Variants in CNTN3 observed in about 807,000 individuals in gnomAD.
The protein encoded by CNTN3 is contactin-3.
CNTN3 carries 60 observed loss-of-function variants against 119.1 expected under a neutral mutation model. The observed-to-expected ratio is 0.50, with a 90% CI of 0.41 to 0.62. The LOEUF is 0.62. Ranked by LOEUF, CNTN3 falls within the 20% of genes least tolerant of loss-of-function variation. The probability of loss-of-function intolerance (pLI) is 0.00; values close to 1 mark genes in which losing one functional copy is unlikely to be tolerated. For missense variants in CNTN3, 1,101 were observed against 1,242.4 expected, an observed-to-expected ratio of 0.89 and a Z score of 1.71; for synonymous variants, 450 against 438.7, an observed-to-expected ratio of 1.03 and a Z score of -0.32.
At chr3:74,361,774 G>T (rs1049987041) in intron 11 of CNTN3, 116 bp downstream of exon 11, 1 of 1,063,200 alleles carries the variant, frequency 9.4e-7, no homozygotes. Context: ...AGTTCTTAAA[G>T]ATCTCACATG....
chr3:74,428,813 G>A (rs1559597080), intron 4 of CNTN3, among the ~76,000 whole-genome samples: 1 of 152,064 alleles, frequency 6.6e-6, no homozygotes, highest in Non-Finnish European at 1.5e-5. Flanking sequence ...CTCCATTCAT[G>A]GTAAGTGTTC....
At chr3:74,353,441 T>C (rs571782085) in intron 11 of CNTN3, among the ~76,000 whole-genome samples, 7 of 152,298 alleles carry the variant, frequency 4.6e-5, no homozygotes, top group African/African-American at 1.7e-4. Flanking sequence ...GAGATGAATG[T>C]AAAACTGCAT....
chr3:74,393,608 C>T (rs1009447908), intron 5 of CNTN3, among the ~76,000 whole-genome samples: 7 of 152,152 alleles, frequency 4.6e-5, no homozygotes, highest in African/African-American at 1.4e-4. Context: ...GCAAATATCT[C>T]GGACAAATGC....
chr3:74,274,004 C>T (rs142063403), intron 20 of CNTN3, among the ~76,000 whole-genome samples: 3 of 152,122 alleles, frequency 2.0e-5, no homozygotes, highest in East Asian at 1.9e-4. Flanking sequence ...CTTTGGATTG[C>T]GTGGGAGCTG....
At chr3:74,531,885 C>A (rs1206476031) in intron 1 of CNTN3, among the ~76,000 whole-genome samples, 1 of 151,826 alleles carries the variant, frequency 6.6e-6, no homozygotes, top group Non-Finnish European at 1.5e-5. Flanking sequence ...TGGAAACATT[C>A]CAAAACAGGA....
intron 11 of CNTN3, among the ~76,000 whole-genome samples, chr3:74,344,625 T>C (rs1185402816): frequency 6.6e-6 from 1 of 151,768 alleles, no homozygotes; most frequent in Non-Finnish European, 1.5e-5. Context: ...GCCCAGCTAA[T>C]TTCTTTTGTA....
intron 3 of CNTN3, among the ~76,000 whole-genome samples, chr3:74,494,933 C>G (rs139459176): frequency 6.6e-6 from 1 of 152,184 alleles, no homozygotes; most frequent in Non-Finnish European, 1.5e-5. Flanking sequence ...GAATCCAGCA[C>G]TAAGGATGTC....
intron 11 of CNTN3, among the ~76,000 whole-genome samples, chr3:74,349,380 A>T (rs1382404573): frequency 6.6e-6 from 1 of 152,246 alleles, no homozygotes; most frequent in Non-Finnish European, 1.5e-5. Context: ...ATTCAGCTCC[A>T]GGAAGGCTTC....
At chr3:74,285,794 T>G (rs1449277061) in intron 19 of CNTN3, among the ~76,000 whole-genome samples, 41 of 39,726 alleles carry the variant, frequency 1.0e-3, no homozygotes, top group Middle Eastern at 0.013. Context: ...AGGGGAGATA[T>G]ATATATATAT....
intron 19 of CNTN3, among the ~76,000 whole-genome samples, chr3:74,290,850 C>G (rs1216674677): frequency 6.6e-6 from 1 of 152,050 alleles, no homozygotes; most frequent in South Asian, 2.1e-4. Flanking sequence ...TGCCACTACG[C>G]CCGGCTAATT....
At chr3:74,587,371 T>G (rs569810778) in intron 1 of CNTN3, among the ~76,000 whole-genome samples, 42 of 152,226 alleles carry the variant, frequency 2.8e-4, no homozygotes, top group African/African-American at 9.9e-4. Context: ...AAGTGATTTG[T>G]GTCTCTTCTT....
At chr3:74,269,626 A>G (rs190854932) in intron 20 of CNTN3, among the ~76,000 whole-genome samples, 11 of 152,344 alleles carry the variant, frequency 7.2e-5, no homozygotes, top group Admixed American at 2.0e-4. Context: ...ATTATTCAAA[A>G]GATGGGTGGA....
At chr3:74,519,280 T>C (rs1703503417) in intron 2 of CNTN3, among the ~76,000 whole-genome samples, 2 of 151,848 alleles carry the variant, frequency 1.3e-5, no homozygotes, top group Admixed American at 6.6e-5. Context: ...TATAACGTTT[T>C]ACCACCATAT....
chr3:74,281,721 G>A (rs750481150), intron 20 of CNTN3, among the ~76,000 whole-genome samples: 18 of 152,116 alleles, frequency 1.2e-4, no homozygotes, highest in Non-Finnish European at 1.9e-4. Flanking sequence ...AAAATGACTC[G>A]AGGGTGACTC....
chr3:74,324,626 C>A (rs1220895441), intron 13 of CNTN3, among the ~76,000 whole-genome samples: 2 of 152,156 alleles, frequency 1.3e-5, no homozygotes, highest in Admixed American at 1.3e-4. Flanking sequence ...AGAGTCATAA[C>A]TTCTCTAACA....
chr3:74,336,635 C>A lies in CNTN3; in HGVS notation c.1388G>T (p.Gly463Val). ...HERISLLNDG[G>V]LKIANVTKAD... The stretch of plus-strand genomic sequence containing the variant: ...TTTAGTCACATTGGCTATTTTGAGT[C>A]CTCCATCGTTTAACAAAGAAATTCT... The change falls in exon 12 of 23, where the codon GGA (glycine) becomes GTA (valine). Residue 463 changes from glycine to valine, a missense_variant. By Grantham distance (109) the Gly-to-Val change is moderately radical. Transcript: ENST00000263665. 6.2e-7 allele frequency: 1 copy of A among 1,608,152 alleles called. No homozygotes were observed. The highest frequency in any genetic ancestry group is 8.5e-7 in the Non-Finnish European group (1 of 1,176,216).
intron 2 of CNTN3, among the ~76,000 whole-genome samples, chr3:74,500,975 A>T (rs934515869): frequency 6.6e-6 from 1 of 152,078 alleles, no homozygotes; most frequent in Non-Finnish European, 1.5e-5. Context: ...TGTAAAACAC[A>T]TATTCTAGAA....
intron 1 of CNTN3, among the ~76,000 whole-genome samples, chr3:74,540,970 C>A (rs1345333609): frequency 6.6e-6 from 1 of 151,996 alleles, no homozygotes; most frequent in Non-Finnish European, 1.5e-5. Context: ...TTTAGTAATA[C>A]AAAACCACTG....
intron 7 of CNTN3, 119 bp downstream of exon 7, chr3:74,369,770 T>C: frequency 1.7e-6 from 1 of 597,068 alleles, no homozygotes; most frequent in Non-Finnish European, 2.9e-6. Context: ...TGTTTTTCCT[T>C]TGCCTCAAAA....
Sources: allele counts gnomAD v4.1 joint callset (sites outside exome capture counted in the v4.1 genomes callset), GRCh38; gene constraint gnomAD v4.1.1; transcripts MANE v1.5; gene names NCBI Gene and HGNC (gene_info 2026-07-23, HGNC 2026-07-21).